FHIT: variants seen among roughly 807,000 people sequenced by gnomAD.
FHIT encodes fragile histidine triad diadenosine triphosphatase.
FHIT carries 19 observed loss-of-function variants against 17.9 expected under a neutral mutation model. The observed-to-expected ratio is 1.06, with a 90% CI of 0.74 to 1.56. FHIT has a LOEUF of 1.56. Among genes scored for constraint, FHIT ranks in the 40% most tolerant of loss-of-function variants. FHIT has a pLI of 0.00. For missense variants in FHIT, 248 were observed against 189.2 expected, an observed-to-expected ratio of 1.31 and a Z score of -1.82; for synonymous variants, 81 against 69.7, an observed-to-expected ratio of 1.16 and a Z score of -0.81.
chr3:59,932,887 C>G (rs1706045609), intron 7 of FHIT, among the ~76,000 whole-genome samples: 1 of 152,066 alleles, frequency 6.6e-6, no homozygotes, highest in Admixed American at 6.5e-5. Flanking sequence ...CCCTCCCATT[C>G]TCCTATCTCT....
rs1700100775 is a variant in FHIT at position 59,804,001 on chromosome 3, G to A, written c.349-51680C>T. ...GCGCCAACATAATACTTGGGGCCTG[G>A]TTCTCAGGGGTAGGGCTTCCAGCAT... On this transcript the variant is annotated intron_variant, in intron 8 of 9. Coordinates refer to ENST00000492590, the MANE Select transcript of FHIT (RefSeq NM_002012.4). 3.3e-5 allele frequency among the ~76,000 whole-genome samples: 5 copies of A among 152,316 alleles called. No individual in the cohort carries two copies. The South Asian group carries it at 1.0e-3, about 32-fold the overall frequency.
intron 4 of FHIT, among the ~76,000 whole-genome samples, chr3:60,621,006 C>A (rs1216467236): frequency 6.6e-6 from 1 of 151,954 alleles, no homozygotes; most frequent in Non-Finnish European, 1.5e-5. Flanking sequence ...TATAAATAGC[C>A]TTATAAAAAA....
chr3:59,993,075 CA>C (rs1304857734), intron 7 of FHIT, among the ~76,000 whole-genome samples: 1 of 152,060 alleles, frequency 6.6e-6, no homozygotes, highest in Non-Finnish European at 1.5e-5. Flanking sequence ...TCACTTAGGC[CA>C]TCTCCCTTTT....
intron 5 of FHIT, among the ~76,000 whole-genome samples, chr3:60,248,693 T>C (rs1705530546): frequency 6.6e-6 from 1 of 152,122 alleles, no homozygotes; most frequent in Non-Finnish European, 1.5e-5. Context: ...ATGGTTAGTA[T>C]TCAGGTTGAA....
At chr3:61,030,758 G>A (rs1466995655) in intron 3 of FHIT, among the ~76,000 whole-genome samples, 1 of 152,172 alleles carries the variant, frequency 6.6e-6, no homozygotes, top group Non-Finnish European at 1.5e-5. Context: ...AAATATGGCA[G>A]GTCTGGTAGT....
At chr3:60,458,696 A>T (rs1214819794) in intron 5 of FHIT, among the ~76,000 whole-genome samples, 1 of 152,004 alleles carries the variant, frequency 6.6e-6, no homozygotes, top group Admixed American at 6.6e-5. Flanking sequence ...TTGACCGCCA[A>T]CTCTAGATGT....
At chr3:60,199,493 C>T (rs1038281785) in intron 5 of FHIT, among the ~76,000 whole-genome samples, 3 of 151,980 alleles carry the variant, frequency 2.0e-5, no homozygotes, top group Non-Finnish European at 4.4e-5. Context: ...ACTGTGGGTC[C>T]TCAAAGGGGA....
At chr3:59,983,163 T>C (rs1708730342) in intron 7 of FHIT, among the ~76,000 whole-genome samples, 1 of 152,122 alleles carries the variant, frequency 6.6e-6, no homozygotes, top group Non-Finnish European at 1.5e-5. Context: ...GGCCTCAAAC[T>C]CCTGAGCTCA....
intron 3 of FHIT, among the ~76,000 whole-genome samples, chr3:60,861,703 G>C (rs1481485430): frequency 6.6e-6 from 1 of 152,040 alleles, no homozygotes; most frequent in Admixed American, 6.6e-5. Flanking sequence ...GGAGAAAAAA[G>C]TGAAATGACA....
At chr3:60,200,780 G>A (rs969169985) in intron 5 of FHIT, among the ~76,000 whole-genome samples, 1 of 152,070 alleles carries the variant, frequency 6.6e-6, no homozygotes, top group Non-Finnish European at 1.5e-5. Context: ...ATGATATTCG[G>A]TTAAAAATGG....
chr3:60,635,737 G>A (rs1553683664), intron 4 of FHIT, among the ~76,000 whole-genome samples: 1 of 152,094 alleles, frequency 6.6e-6, no homozygotes, highest in Non-Finnish European at 1.5e-5. Flanking sequence ...GGAACTCTGA[G>A]CCCATACTCA....
chr3:60,205,949 A>G (rs932507586), intron 5 of FHIT, among the ~76,000 whole-genome samples: 1 of 151,468 alleles, frequency 6.6e-6, no homozygotes, highest in Non-Finnish European at 1.5e-5. Flanking sequence ...TCTACTAAAA[A>G]TACAAAAATA....
chr3:60,159,922 C>T (rs746381435), intron 5 of FHIT, among the ~76,000 whole-genome samples: 16 of 152,120 alleles, frequency 1.1e-4, no homozygotes, highest in South Asian at 2.1e-4. Flanking sequence ...AATGAGCAAA[C>T]GAGAGTCATA....
chr3:60,555,341 A>C (rs2036706816), intron 4 of FHIT, among the ~76,000 whole-genome samples: 1 of 152,164 alleles, frequency 6.6e-6, no homozygotes, highest in Non-Finnish European at 1.5e-5. Flanking sequence ...TTGCTCATGG[A>C]GTCTTGAAAT....
At chr3:60,314,980 C>T (rs1248341117) in intron 5 of FHIT, among the ~76,000 whole-genome samples, 4 of 152,100 alleles carry the variant, frequency 2.6e-5, no homozygotes, top group African/African-American at 9.7e-5. Flanking sequence ...GCCCAGGCCT[C>T]AAGAAACTGG....
At chr3:60,261,873 ATC>A (rs566870941) in intron 5 of FHIT, among the ~76,000 whole-genome samples, 16 of 152,046 alleles carry the variant, frequency 1.1e-4, no homozygotes, top group Non-Finnish European at 4.4e-5. Flanking sequence ...GAAAAGGAAC[ATC>A]TCTGTCTCTC....
chr3:60,972,250 T>C (rs758969771), intron 3 of FHIT, among the ~76,000 whole-genome samples: 19 of 152,182 alleles, frequency 1.2e-4, no homozygotes, highest in Non-Finnish European at 2.5e-4. Context: ...AGGAGCTCCT[T>C]TTAATAGTTT....
chr3:59,878,001 A>T (rs1276005963), intron 8 of FHIT, among the ~76,000 whole-genome samples: 1 of 152,194 alleles, frequency 6.6e-6, no homozygotes, highest in Non-Finnish European at 1.5e-5. Context: ...TCAACTCTTC[A>T]TTGGAATAAA....
intron 5 of FHIT, among the ~76,000 whole-genome samples, chr3:60,475,797 CT>C (rs1398426764): frequency 2.0e-5 from 3 of 152,340 alleles, no homozygotes; most frequent in East Asian, 1.9e-4. Context: ...AATTCCACCC[CT>C]GACCTCATGT....
Sources: gnomAD v4.1 joint callset for allele counts (sites outside exome capture counted in the v4.1 genomes callset) on GRCh38, gnomAD v4.1.1 for gene constraint, MANE v1.5 for transcripts, NCBI Gene and HGNC (gene_info 2026-07-23, HGNC 2026-07-21) for gene names.